Variants in FRMD5 observed in about 807,000 individuals in gnomAD.
The protein encoded by FRMD5 is FERM domain-containing protein 5.
FRMD5 carries 20 observed loss-of-function variants against 69.0 expected under a neutral mutation model. That is an observed-to-expected ratio of 0.29 (90% CI 0.20 to 0.42). FRMD5 has a LOEUF of 0.42. Ranked by LOEUF, FRMD5 falls within the 10% of genes least tolerant of loss-of-function variation. The pLI is 1.00. For missense variants in FRMD5, 595 were observed against 708.6 expected (o/e 0.84, Z 1.82); for synonymous variants, 271 against 260.1 (o/e 1.04, Z -0.40).
Position 43,872,862 on chromosome 15 carries a change from A to AATAAC in FRMD5, c.*1018_*1022dup, listed in dbSNP as rs57954107. On this transcript the variant is annotated 3_prime_UTR_variant, in exon 14 of 14. Coordinates refer to ENST00000417257, the MANE Select transcript of FRMD5 (RefSeq NM_032892.5). ...AAAACAAAATATGAATTGTTAAGAA[A>AATAAC]ATAACATTTCGTTGTTAAAATATAA... 24,904 of 302,102 alleles carry AATAAC rather than the reference A, an allele frequency of 0.082. 1,381 individuals are homozygous for AATAAC. Among genetic ancestry groups the AATAAC allele is most frequent in the East Asian group, 0.17 (2,986 of 17,882 alleles). The allele number at this position is 302,102 out of a possible 1,614,324, so 18.7% of individuals were successfully genotyped here.
At chr15:43,899,950 T>C (rs1245564990) in intron 7 of FRMD5, among the ~76,000 whole-genome samples, 1 of 149,694 alleles carries the variant, frequency 6.7e-6, no homozygotes, top group Admixed American at 6.6e-5. Context: ...TCGGGCTCAC[T>C]GTCTGCCCAT....
At chr15:44,059,860 G>C (rs1893020171) in intron 1 of FRMD5, among the ~76,000 whole-genome samples, 1 of 152,274 alleles carries the variant, frequency 6.6e-6, no homozygotes, top group South Asian at 2.1e-4. Flanking sequence ...CATTTATATA[G>C]AGACAGGTTT....
intron 1 of FRMD5, among the ~76,000 whole-genome samples, chr15:44,104,408 T>C (rs2076683657): frequency 1.3e-5 from 2 of 152,194 alleles, no homozygotes; most frequent in Admixed American, 1.3e-4. Context: ...ACAGTGTTTA[T>C]TAAATCCATA....
At chr15:44,120,156 A>G (rs1200920900) in intron 1 of FRMD5, among the ~76,000 whole-genome samples, 1 of 152,178 alleles carries the variant, frequency 6.6e-6, no homozygotes, top group African/African-American at 2.4e-5. Flanking sequence ...TTTGGGCTTT[A>G]TGCTGACAAT....
In FRMD5 at chr15:44,105,626, G is replaced by T. The variant is rs149733230; in HGVS notation, c.102+89327C>A. 4.6e-5 allele frequency among the ~76,000 whole-genome samples: 7 copies of T among 152,214 alleles called. No individual in the cohort carries two copies. In the East Asian group the frequency reaches 1.3e-3, roughly 29 times the overall value. On this transcript the variant is annotated intron_variant, in intron 1 of 13. Transcript: ENST00000417257. ...TGTTTTGTCATTTATACTGAGTTGA[G>T]AATTTAAAGGTTTAGAGTTCACTTT...
chr15:44,164,593 A>G (rs1157324198), intron 1 of FRMD5, among the ~76,000 whole-genome samples: 1 of 152,170 alleles, frequency 6.6e-6, no homozygotes, highest in African/African-American at 2.4e-5. Context: ...AATATAATGG[A>G]TTTTTTCCTG....
At chr15:44,158,328 T>C (rs780903657) in intron 1 of FRMD5, among the ~76,000 whole-genome samples, 92 of 152,248 alleles carry the variant, frequency 6.0e-4, no homozygotes, top group African/African-American at 2.1e-3. Flanking sequence ...GAGAAAAAAA[T>C]TGTTGTGACC....
Position 44,188,809 on chromosome 15 carries a change from G to C in FRMD5, c.102+6144C>G, listed in dbSNP as rs1297869635. Among the ~76,000 whole-genome samples, 7 of 151,992 alleles carry C rather than the reference G, an allele frequency of 4.6e-5. No individual in the cohort carries two copies. The East Asian group carries it at 1.4e-3, about 29-fold the overall frequency. On this transcript the variant is annotated intron_variant, in intron 1 of 13. Transcript: ENST00000417257. The stretch of plus-strand genomic sequence containing the variant: ...TGAATGGTTTTTCTTGGTGGGCAGT[G>C]GTTGTCTGAGGCTTTGAACTGATCT...
chr15:44,161,266 C>T (rs2077612375), intron 1 of FRMD5, among the ~76,000 whole-genome samples: 1 of 152,200 alleles, frequency 6.6e-6, no homozygotes, highest in Non-Finnish European at 1.5e-5. Context: ...CTGCTTCCTC[C>T]AGAAAGTCTT....
intron 1 of FRMD5, chr15:44,194,702 G>A: frequency 1.8e-6 from 1 of 549,220 alleles, no homozygotes; most frequent in Non-Finnish European, 3.2e-6. Flanking sequence ...CCCAGGGAGA[G>A]CAGGGTAGGA....
chr15:43,920,329 A>G (rs2089472352), intron 2 of FRMD5, among the ~76,000 whole-genome samples: 1 of 152,194 alleles, frequency 6.6e-6, no homozygotes, highest in Non-Finnish European at 1.5e-5. Flanking sequence ...TATATATTCC[A>G]TCTTTCTTTG....
intron 1 of FRMD5, among the ~76,000 whole-genome samples, chr15:43,978,554 TCTGAGTCTC>T (rs2090499937): frequency 6.6e-6 from 1 of 152,140 alleles, no homozygotes. Context: ...AACATGATTT[TCTGAGTCTC>T]CATGTGTTTT....
chr15:43,965,728 T>C (rs1595567955), intron 1 of FRMD5, among the ~76,000 whole-genome samples: 1 of 151,986 alleles, frequency 6.6e-6, no homozygotes, highest in African/African-American at 2.4e-5. Flanking sequence ...ATTACAGGCA[T>C]GCACCACCAC....
At chr15:44,185,739 GC>G (rs913854967) in intron 1 of FRMD5, among the ~76,000 whole-genome samples, 1 of 151,666 alleles carries the variant, frequency 6.6e-6, no homozygotes, top group African/African-American at 2.4e-5. Flanking sequence ...GTTGCAATGA[GC>G]CGACATCATA....
intron 1 of FRMD5, among the ~76,000 whole-genome samples, chr15:44,032,058 A>G (rs549483753): frequency 6.6e-6 from 1 of 152,282 alleles, no homozygotes; most frequent in East Asian, 1.9e-4. Context: ...CACATCTATG[A>G]CCATCTGATC....
At chr15:43,936,545 T>C (rs2089764320) in intron 1 of FRMD5, among the ~76,000 whole-genome samples, 1 of 152,132 alleles carries the variant, frequency 6.6e-6, no homozygotes, top group Admixed American at 6.5e-5. Flanking sequence ...AATTACCTGA[T>C]GAGCTCCTCC....
chr15:44,188,950 T>C (rs551240512), intron 1 of FRMD5, among the ~76,000 whole-genome samples: 6 of 151,746 alleles, frequency 4.0e-5, no homozygotes, highest in Non-Finnish European at 8.8e-5. Context: ...GGGTGGGGGG[T>C]TGAAAGCTAT....
rs370050933 is a variant in FRMD5 at position 44,101,467 on chromosome 15, T to G, written c.102+93486A>C. 2.0e-5 allele frequency: 3 copies of G among 152,686 alleles called. No homozygotes were observed. The South Asian group carries it at 6.2e-4, about 32-fold the overall frequency. 9.5% of individuals were successfully genotyped at this position (152,686 alleles called of 1,614,324 possible). A position where few individuals can be genotyped will look rare whatever the true frequency, so the allele number is the denominator to read the frequency against. ...TTAACTAACCTACTTACTATGTATTTCTTGTTGCTAATTCCCTTGGGTGCC... is the reference window on the plus strand; with the variant it reads ...TTAACTAACCTACTTACTATGTATTGCTTGTTGCTAATTCCCTTGGGTGCC... On this transcript the variant is annotated intron_variant, in intron 1 of 13. Transcript: ENST00000417257.
chr15:44,021,799 A>G (rs1479630110), intron 1 of FRMD5, among the ~76,000 whole-genome samples: 1 of 152,234 alleles, frequency 6.6e-6, no homozygotes, highest in Non-Finnish European at 1.5e-5. Context: ...CTCGGTATAT[A>G]TTCAAAAGAA....
Sources: allele counts gnomAD v4.1 joint callset (sites outside exome capture counted in the v4.1 genomes callset), GRCh38; gene constraint gnomAD v4.1.1; transcripts MANE v1.5; gene names NCBI Gene and HGNC (gene_info 2026-07-23, HGNC 2026-07-21).